Variants in ERBB4 observed in about 807,000 individuals in gnomAD.
ERBB4 encodes erb-b2 receptor tyrosine kinase 4.
A neutral mutation model predicts 158.0 loss-of-function variants in ERBB4; 42 were observed. The ratio of observed to expected loss-of-function variants is 0.27; its 90% confidence interval spans 0.21 to 0.34. The LOEUF (loss-of-function observed/expected upper bound fraction) is 0.34, where lower values mean the gene tolerates loss of function less well. Among genes scored for constraint, ERBB4 ranks in the 10% least tolerant of loss-of-function variants. The pLI is 1.00. For synonymous variants in ERBB4, 583 were observed against 558.7 expected (o/e 1.04, Z -0.61); for missense variants, 1,333 against 1,624.1 (o/e 0.82, Z 3.08).
At chr2:211,796,867 A>G (rs570337033) in intron 3 of ERBB4, among the ~76,000 whole-genome samples, 1 of 151,952 alleles carries the variant, frequency 6.6e-6, no homozygotes, top group African/African-American at 2.4e-5. Context: ...TGTAACCCTC[A>G]TAACTTATTT....
At chr2:212,496,626 C>T (rs994819435) in intron 1 of ERBB4, among the ~76,000 whole-genome samples, 1 of 152,208 alleles carries the variant, frequency 6.6e-6, no homozygotes, top group Admixed American at 6.5e-5. Context: ...GTAACATTCA[C>T]GATACATTAT....
At chr2:211,599,594 T>A (rs2068740261) in intron 19 of ERBB4, among the ~76,000 whole-genome samples, 1 of 150,158 alleles carries the variant, frequency 6.7e-6, no homozygotes, top group African/African-American at 2.4e-5. Context: ...TCAAGAAGCA[T>A]GCAGTTGTTA....
chr2:212,027,176 C>T (rs1450403430), intron 2 of ERBB4, among the ~76,000 whole-genome samples: 1 of 151,816 alleles, frequency 6.6e-6, no homozygotes, highest in Non-Finnish European at 1.5e-5. Flanking sequence ...ATGTAAAAAC[C>T]AAGCTGAGGT....
Position 211,705,355 on chromosome 2 carries a change from C to A in ERBB4, c.1161G>T (p.Glu387Asp). The change falls in exon 10 of 28, where the codon GAG (glutamate) becomes GAT (aspartate). Residue 387 changes from glutamate (E) to aspartate (D), a missense_variant. Transcript: ENST00000342788. ...TGACTGTCCGAAAGACGTTCAGTTT[C>A]TCTGGGTCTATGGCTTCAATTGCAT... is the stretch of plus-strand genomic sequence containing the variant. ...PYNAIEAIDP[E>D]KLNVFRTVRE... 1.9e-6 allele frequency: 3 copies of A among 1,613,286 alleles called. No individual in the cohort carries two copies. The highest frequency in any genetic ancestry group is 2.5e-6 in the Non-Finnish European group (3 of 1,179,282).
intron 1 of ERBB4, among the ~76,000 whole-genome samples, chr2:212,482,395 T>C (rs972595521): frequency 1.3e-5 from 2 of 152,222 alleles, no homozygotes; most frequent in Non-Finnish European, 2.9e-5. Flanking sequence ...CAGCCATAAC[T>C]TCCACAATTT....
intron 12 of ERBB4, among the ~76,000 whole-genome samples, chr2:211,685,857 A>G (rs2072544319): frequency 6.6e-6 from 1 of 152,152 alleles, no homozygotes; most frequent in South Asian, 2.1e-4. Flanking sequence ...AATTTACACC[A>G]AAGTATTTCA....
At chr2:212,307,858 T>C (rs191558468) in intron 1 of ERBB4, among the ~76,000 whole-genome samples, 12 of 151,102 alleles carry the variant, frequency 7.9e-5, no homozygotes, top group African/African-American at 2.4e-4. Context: ...CCACACTTTA[T>C]TTCAAAGAGT....
intron 3 of ERBB4, among the ~76,000 whole-genome samples, chr2:211,871,257 G>T (rs1230836097): frequency 6.6e-6 from 1 of 152,122 alleles, no homozygotes; most frequent in Non-Finnish European, 1.5e-5. Flanking sequence ...CCAACTACTT[G>T]GGTGGCCAAG....
chr2:212,455,976 C>T (rs1439309152), intron 1 of ERBB4, among the ~76,000 whole-genome samples: 1 of 151,836 alleles, frequency 6.6e-6, no homozygotes, highest in African/African-American at 2.4e-5. Flanking sequence ...GGCTTCTTCC[C>T]CCAGCTGTCT....
chr2:211,963,270 G>C (rs1299361535), intron 2 of ERBB4, among the ~76,000 whole-genome samples: 1 of 151,954 alleles, frequency 6.6e-6, no homozygotes, highest in Non-Finnish European at 1.5e-5. Context: ...CATCATACAT[G>C]CACCAGACAG....
intron 1 of ERBB4, among the ~76,000 whole-genome samples, chr2:212,446,989 A>G (rs1026829151): frequency 3.4e-5 from 5 of 147,034 alleles, no homozygotes; most frequent in African/African-American, 1.2e-4. Context: ...TTAATACCAA[A>G]TTTTTCTTTT....
In ERBB4 at chr2:211,655,212, C is replaced by T. The variant is rs1458028900; in HGVS notation, c.1946+2542G>A. Among the ~76,000 whole-genome samples the T allele has an allele frequency of 2.0e-5, 3 of 152,158 alleles. No individual in the cohort carries two copies. The East Asian group carries it at 5.8e-4, about 30-fold the overall frequency. On this transcript the variant is annotated intron_variant, in intron 16 of 27. Coordinates refer to ENST00000342788, the MANE Select transcript of ERBB4 (RefSeq NM_005235.3). ...CAAGGTGAAGAGAGAGAAATGCTCT[C>T]TCTTCCTTCAAGGGGCCCATCAAAA...
Position 212,500,841 on chromosome 2 carries a change from C to T in ERBB4, c.82+37608G>A, listed in dbSNP as rs924650545. 9.9e-5 allele frequency among the ~76,000 whole-genome samples: 15 copies of T among 152,108 alleles called. 1 individual carries two copies. Among genetic ancestry groups the T allele is most frequent in the African/African-American group, 3.4e-4 (14 of 41,422 alleles). ...AAAGAAGGAGATTTAAAAAAGCAACCTGCTAATCTTAGAAAATGTCCAGTA... is the reference window on the plus strand; with the variant it reads ...AAAGAAGGAGATTTAAAAAAGCAACTTGCTAATCTTAGAAAATGTCCAGTA... On this transcript the variant is annotated intron_variant, in intron 1 of 27. Coordinates refer to ENST00000342788, the MANE Select transcript of ERBB4 (RefSeq NM_005235.3).
At chr2:212,213,201 A>C (rs1317886277) in intron 1 of ERBB4, among the ~76,000 whole-genome samples, 3 of 136,782 alleles carry the variant, frequency 2.2e-5, no homozygotes, top group African/African-American at 8.3e-5. Context: ...ATTTACAAGG[A>C]ACTTAAACAA....
chr2:211,388,989 C>G (rs1273204796), intron 25 of ERBB4, among the ~76,000 whole-genome samples: 1 of 152,120 alleles, frequency 6.6e-6, no homozygotes, highest in Non-Finnish European at 1.5e-5. Context: ...TTTAAGTAAA[C>G]AGAGATGACT....
intron 20 of ERBB4, among the ~76,000 whole-genome samples, chr2:211,489,586 T>A (rs2065288353): frequency 6.6e-6 from 1 of 151,996 alleles, no homozygotes; most frequent in African/African-American, 2.4e-5. Flanking sequence ...CAATTTATCA[T>A]TATATAATGT....
intron 3 of ERBB4, among the ~76,000 whole-genome samples, chr2:211,798,732 T>C (rs573189503): frequency 4.6e-5 from 7 of 152,202 alleles, no homozygotes; most frequent in African/African-American, 1.4e-4. Flanking sequence ...CCCATTAAGT[T>C]TGGTGCCTAG....
chr2:211,622,431 A>T (rs1178170164), intron 18 of ERBB4, among the ~76,000 whole-genome samples: 1 of 152,182 alleles, frequency 6.6e-6, no homozygotes, highest in Non-Finnish European at 1.5e-5. Flanking sequence ...ATACTAAAAG[A>T]TTAGAAAACT....
chr2:211,448,322 C>T (rs1298695213), intron 20 of ERBB4, among the ~76,000 whole-genome samples: 1 of 152,094 alleles, frequency 6.6e-6, no homozygotes, highest in Non-Finnish European at 1.5e-5. Context: ...GTAGACTCTG[C>T]TGGATTTTCC....
Sources: gnomAD v4.1 joint callset for allele counts (sites outside exome capture counted in the v4.1 genomes callset) on GRCh38, gnomAD v4.1.1 for gene constraint, MANE v1.5 for transcripts, NCBI Gene and HGNC (gene_info 2026-07-23, HGNC 2026-07-21) for gene names.